Variants in PHACTR2 observed in about 807,000 individuals in gnomAD.
The protein encoded by PHACTR2 is phosphatase and actin regulator 2, also known as chromosome 6 open reading frame 56.
Under a neutral mutation model 76.0 loss-of-function variants are expected in PHACTR2, and 30 were observed. That is an observed-to-expected ratio of 0.39 (90% CI 0.30 to 0.54). The LOEUF (loss-of-function observed/expected upper bound fraction) is 0.54. PHACTR2 is among the 20% of genes least tolerant of loss of function. PHACTR2 has a pLI of 0.61. For missense variants in PHACTR2, 696 were observed against 781.1 expected (o/e 0.89, Z 1.30); for synonymous variants, 292 against 292.5 (o/e 1.00, Z 0.02).
chr6:143,645,917 T>C (rs1776652648), intron 1 of PHACTR2, among the ~76,000 whole-genome samples: 1 of 152,148 alleles, frequency 6.6e-6, no homozygotes, highest in East Asian at 1.9e-4. Context: ...TGGAAGTCAT[T>C]CCATAATATG....
At position 143,753,859 on chromosome 6, in the gene PHACTR2, G is replaced by T. The variant is rs754730262; in HGVS notation, c.401G>T (p.Gly134Val). Reference sequence around the variant, plus strand: ...GTAGTAAAGTCTGAAGAAGGTAATGGCTCTGTATCTGAAAAAACACCACCT... The same window carrying T: ...GTAGTAAAGTCTGAAGAAGGTAATGTCTCTGTATCTGAAAAAACACCACCT... ...ENVVKSEEGN[G>V]SVSEKTPPLE... Residue 134 changes from glycine (G) to valine (V), a missense_variant, in exon 4 of 13, where the codon GGC (glycine) becomes GTC (valine). By Grantham distance (109) the Gly-to-Val change is moderately radical (BLOSUM62 -3). Coordinates refer to ENST00000440869, the MANE Select transcript of PHACTR2 (RefSeq NM_001100164.2). The surrounding 1 kb of genome is among the most constrained non-coding windows in gnomAD (Gnocchi z 4.6). 1.2e-6 allele frequency: 2 copies of T among 1,612,734 alleles called. No homozygotes were observed. The highest frequency in any genetic ancestry group is 1.3e-5 in the African/African-American group (1 of 74,838).
intron 2 of PHACTR2, among the ~76,000 whole-genome samples, chr6:143,734,234 C>A (rs931886862): frequency 2.0e-5 from 3 of 152,182 alleles, no homozygotes; most frequent in Admixed American, 6.5e-5. Flanking sequence ...ATGCTTCCAC[C>A]ATGGGTTTAG....
chr6:143,747,701 C>T (rs1459619005), intron 2 of PHACTR2, among the ~76,000 whole-genome samples: 2 of 152,210 alleles, frequency 1.3e-5, no homozygotes, highest in Non-Finnish European at 2.9e-5. Flanking sequence ...GTGCCCTAGA[C>T]TCCTTATCTG....
intron 2 of PHACTR2, among the ~76,000 whole-genome samples, chr6:143,748,744 A>G (rs1779122389): frequency 6.6e-6 from 1 of 152,230 alleles, no homozygotes; most frequent in South Asian, 2.1e-4. Context: ...ACGCCAGGCC[A>G]AAGGTGGCCA....
intron 6 of PHACTR2, among the ~76,000 whole-genome samples, chr6:143,769,942 T>C (rs1357331456): frequency 6.6e-6 from 1 of 152,194 alleles, no homozygotes; most frequent in Non-Finnish European, 1.5e-5. Context: ...GAAAACAGTA[T>C]GGTGGTTCTT....
chr6:143,571,221 T>C lies in PHACTR2; in HGVS notation c.217+34014T>C, dbSNP rs950402305. 1.3e-5 allele frequency among the ~76,000 whole-genome samples: 2 copies of C among 152,098 alleles called. No individual in the cohort carries two copies. The highest frequency in any genetic ancestry group is 6.5e-5 in the Admixed American group (1 of 15,272). ...ATTATCCCACTAACAATTATCATTG[T>C]TAGTAACAATTATCATTGCGGTGTT... On this transcript the variant is annotated intron_variant, in intron 1 of 11. Transcript: ENST00000367584. This position sits in a 1 kb window ranked among gnomAD's most constrained non-coding sequence, Gnocchi z 4.6.
In PHACTR2 at chr6:143,756,756, G is replaced by A. The variant is rs138159645; in HGVS notation, c.454+2844G>A. ...CTTGCTCCCTGTTAAACAAAGCTTA[G>A]TATTAAATATAAGAAATCTTATGGC... On this transcript the variant is annotated intron_variant, in intron 4 of 12. Transcript: ENST00000440869. Among the ~76,000 whole-genome samples, 417 of 149,772 alleles carry A rather than the reference G, an allele frequency of 2.8e-3. 6 individuals are homozygous for A. In the East Asian group the frequency reaches 0.04, roughly 14 times the overall value.
rs1176694988 is a variant in PHACTR2, at chr6:143,570,951, G to A, written c.217+33744G>A. On this transcript the variant is annotated intron_variant, in intron 1 of 11. Coordinates refer to the PHACTR2 transcript ENST00000367584. This position sits in a 1 kb window ranked among gnomAD's most constrained non-coding sequence, Gnocchi z 4.6. ...TGTTTATCAAATGCCCCTGAGACTC[G>A]AAGACGCAAATTATATTCCTATTTT... 2.6e-5 allele frequency among the ~76,000 whole-genome samples: 4 copies of A among 152,108 alleles called. No individual in the cohort carries two copies. Among genetic ancestry groups the A allele is most frequent in the East Asian group, 1.9e-4 (1 of 5,200 alleles).
rs534037427 is a variant in PHACTR2 at position 143,625,755 on chromosome 6, C to T, written c.13+17433C>T. 6.6e-5 allele frequency among the ~76,000 whole-genome samples: 10 copies of T among 152,290 alleles called. No individual in the cohort carries two copies. In the South Asian group the frequency reaches 2.1e-3, roughly 32 times the overall value. On this transcript the variant is annotated intron_variant, in intron 1 of 11. Coordinates refer to the PHACTR2 transcript ENST00000305766. The surrounding 1 kb of genome is among the most constrained non-coding windows in gnomAD (Gnocchi z 4.3). ...ACTCTTCCGGGTGCAGTGAATGGGG[C>T]AGTGATGAGACACATGGAGTCCCTG... is the stretch of plus-strand genomic sequence containing the variant.
At chr6:143,768,579 C>T (rs374649238) in intron 6 of PHACTR2, among the ~76,000 whole-genome samples, 3 of 152,278 alleles carry the variant, frequency 2.0e-5, no homozygotes, top group Non-Finnish European at 2.9e-5. Context: ...GACTCTATCC[C>T]GTTCATTTCC....
At chr6:143,586,738 C>A (rs1251363521) in intron 1 of PHACTR2, among the ~76,000 whole-genome samples, 2 of 152,128 alleles carry the variant, frequency 1.3e-5, no homozygotes, top group Non-Finnish European at 2.9e-5. Flanking sequence ...TGAAAAGGGG[C>A]GGTAACTCCC....
In PHACTR2 at chr6:143,581,253, ACT is replaced by A. The variant is rs1417318411; in HGVS notation, c.217+44049_217+44050del. On this transcript the variant is annotated intron_variant, in intron 1 of 11. Transcript: ENST00000367584. This position sits in a 1 kb window ranked among gnomAD's most constrained non-coding sequence, Gnocchi z 4.5. The stretch of plus-strand genomic sequence containing the variant: ...TTCTGCTCCTTTGACTATGGCATAG[ACT>A]CTGTAGATGTCTGTAATTGACCGGG... 6.6e-6 allele frequency among the ~76,000 whole-genome samples: 1 copy of A among 152,082 alleles called. No individual in the cohort carries two copies. Among genetic ancestry groups the A allele is most frequent in the Non-Finnish European group, 1.5e-5 (1 of 68,014 alleles).
chr6:143,759,808 G>A (rs770508594), intron 4 of PHACTR2, among the ~76,000 whole-genome samples: 23 of 152,042 alleles, frequency 1.5e-4, no homozygotes, highest in East Asian at 3.8e-4. Context: ...ATTCTAAAGC[G>A]CATTGTTGCC....
At chr6:143,614,339 T>G (rs1324002096) in intron 1 of PHACTR2, among the ~76,000 whole-genome samples, 3 of 152,214 alleles carry the variant, frequency 2.0e-5, no homozygotes, top group Non-Finnish European at 4.4e-5. Flanking sequence ...AACCTCAGGT[T>G]CTCCAGGGGA....
At chr6:143,613,504 T>G (rs1776012987) in intron 1 of PHACTR2, among the ~76,000 whole-genome samples, 1 of 152,232 alleles carries the variant, frequency 6.6e-6, no homozygotes, top group South Asian at 2.1e-4. Flanking sequence ...GCGAGTAAAC[T>G]GACAGTCATG....
In PHACTR2 at chr6:143,550,910, G is replaced by C. The variant is rs1455812551; in HGVS notation, c.217+13703G>C. ...AAAAATTAGCTGAGTGTGGTGGCAT[G>C]TGTCTGTAGTCCCAGCTACTTGGGA... On this transcript the variant is annotated intron_variant, in intron 1 of 11. Coordinates refer to the PHACTR2 transcript ENST00000367584. This position sits in a 1 kb window ranked among gnomAD's most constrained non-coding sequence, Gnocchi z 4.8. Among the ~76,000 whole-genome samples the C allele has an allele frequency of 1.3e-5, 2 of 151,908 alleles. No individual in the cohort carries two copies. The highest frequency in any genetic ancestry group is 4.8e-5 in the African/African-American group (2 of 41,394).
At chr6:143,661,907 A>G (rs1273811927) in intron 1 of PHACTR2, among the ~76,000 whole-genome samples, 1 of 152,142 alleles carries the variant, frequency 6.6e-6, no homozygotes, top group Non-Finnish European at 1.5e-5. Context: ...TACCTGGAAA[A>G]TTTGGAGGAA....
chr6:143,574,214 C>T (rs75688088), intron 1 of PHACTR2, among the ~76,000 whole-genome samples: 1,557 of 152,334 alleles, frequency 0.01, 32 homozygotes, highest in African/African-American at 0.033. Flanking sequence ...GCTTCCTCAG[C>T]GTGGCTGCTC....
At chr6:143,766,849 A>C (rs577101146) in intron 6 of PHACTR2, among the ~76,000 whole-genome samples, 1 of 152,346 alleles carries the variant, frequency 6.6e-6, no homozygotes, top group Admixed American at 6.5e-5. Flanking sequence ...GTATGAAGGG[A>C]TGGATGGCTG....
Sources: allele counts gnomAD v4.1 joint callset (sites outside exome capture counted in the v4.1 genomes callset), GRCh38; gene constraint gnomAD v4.1.1; non-coding constraint Gnocchi (gnomAD v3.1); transcripts MANE v1.5; gene names NCBI Gene and HGNC (gene_info 2026-07-23, HGNC 2026-07-21).